The following LTBP3 variants were observed in gnomAD, a reference collection of about 807,000 sequenced individuals.
LTBP3 encodes the protein latent transforming growth factor beta binding protein 3.
LTBP3 carries 97 observed loss-of-function variants against 159.7 expected under a neutral mutation model. The observed-to-expected ratio is 0.61, with a 90% CI of 0.52 to 0.72. The LOEUF (loss-of-function observed/expected upper bound fraction) is 0.72. LTBP3 is among the 30% of genes least tolerant of loss of function. The probability of loss-of-function intolerance (pLI) is 0.00; values close to 1 mark genes in which losing one functional copy is unlikely to be tolerated. For synonymous variants in LTBP3, 824 were observed against 777.1 expected (o/e 1.06, Z -1.00); for missense variants, 1,584 against 1,864.3 (o/e 0.85, Z 2.77).
rs747150780 is a variant in LTBP3, at chr11:65,546,755, C to T, written c.2230+43G>A. On this transcript the variant is annotated intron_variant, in intron 15 of 27. Transcript: ENST00000301873. The surrounding 1 kb of genome is among the most constrained non-coding windows in gnomAD (Gnocchi z 4.0). ...CCCAGCGGAGCCAGACTGGGGGAGG[C>T]ACCTGACGGCCCCACCCACTCGGCT... is the stretch of plus-strand genomic sequence containing the variant. 6.5e-7 allele frequency: 1 copy of T among 1,534,664 alleles called. No individual in the cohort carries two copies. Among genetic ancestry groups the T allele is most frequent in the Non-Finnish European group, 8.8e-7 (1 of 1,134,716 alleles).
chr11:65,556,851 C>G (rs751086753), intron 1 of LTBP3, among the ~76,000 whole-genome samples: 1 of 152,078 alleles, frequency 6.6e-6, no homozygotes, highest in Non-Finnish European at 1.5e-5. Context: ...GACACCTCCC[C>G]GAGCCTGGCC....
Position 65,540,354 on chromosome 11 carries a change from G to C in LTBP3, c.3135C>G (p.Asn1045Lys). The C allele has an allele frequency of 3.8e-6, 6 of 1,591,480 alleles. No homozygotes were observed. Among genetic ancestry groups the C allele is most frequent in the Non-Finnish European group, 5.1e-6 (6 of 1,170,330 alleles). The change falls in exon 23 of 28, where the codon AAC (asparagine) becomes AAG (lysine). Residue 1045 changes from asparagine to lysine, a missense_variant. Physicochemically the swap from Asn to Lys is moderately conservative, Grantham distance 94. Coordinates refer to ENST00000301873, the MANE Select transcript of LTBP3 (RefSeq NM_001130144.3). Reference protein sequence around the residue: ...VDVDECLDESNCRNGVCENTR... With the variant: ...VDVDECLDESKCRNGVCENTR... ...TGTTCTCACACACTCCGTTCCGGCAGTTGGACTCGTCCAGGCACTCGTCCA... is the reference window on the plus strand; with the variant it reads ...TGTTCTCACACACTCCGTTCCGGCACTTGGACTCGTCCAGGCACTCGTCCA...
In LTBP3 at chr11:65,548,311, C is replaced by G. The variant is rs543083879; in HGVS notation, c.1721-266G>C. 5.2e-5 allele frequency: 32 copies of G among 610,786 alleles called. No individual in the cohort carries two copies. The African/African-American group carries it at 5.9e-4, about 11-fold the overall frequency. 37.8% of individuals were successfully genotyped at this position (610,786 alleles called of 1,614,324 possible). On this transcript the variant is annotated intron_variant, in intron 11 of 27. Coordinates refer to ENST00000301873, the MANE Select transcript of LTBP3 (RefSeq NM_001130144.3). ...TCCATTCCCGGTTCACTCCAAGACC[C>G]TGACCCCACTCACCTCAAACCAAAC...
rs1384062185 is a variant in LTBP3 at position 65,551,219 on chromosome 11, T to C, written c.1627A>G (p.Ile543Val). ...ATGGTCGGGGGCGAGGGACGGGAGA[T>C]CAGCTCTGCGGGCGGCAGTGCACTC... is the stretch of plus-strand genomic sequence containing the variant. The part of the protein sequence containing the change: ...TTPARPYPEL[I>V]SRPSPPTMRW... The change falls in exon 11 of 28, where the codon ATC becomes GTC. Residue 543 changes from isoleucine (I) to valine (V), a missense_variant. By Grantham distance (29) the Ile-to-Val change is conservative. Around this residue, in one of 6 missense-constraint regions of LTBP3, gnomAD observed 565 missense variants for 677.7 expected, o/e 0.83. Transcript: ENST00000301873. 2.6e-6 allele frequency: 4 copies of C among 1,547,022 alleles called. No homozygotes were observed. Among genetic ancestry groups the C allele is most frequent in the South Asian group, 1.2e-5 (1 of 84,140 alleles).
Position 65,547,911 on chromosome 11 carries a change from T to A in LTBP3, c.1846+9A>T, listed in dbSNP as rs757895021. ...CCACCTGCATGCCCGCCGCCTGCCC[T>A]GCGCTCACCCACGCAGTAGCGGTGC... On this transcript the variant is annotated intron_variant, in intron 12 of 27. Coordinates refer to ENST00000301873, the MANE Select transcript of LTBP3 (RefSeq NM_001130144.3). This position sits in a 1 kb window ranked among gnomAD's most constrained non-coding sequence, Gnocchi z 4.6. The A allele has an allele frequency of 2.0e-5, 32 of 1,613,400 alleles. No homozygotes were observed. The highest frequency in any genetic ancestry group is 2.7e-5 in the Non-Finnish European group (32 of 1,179,858).
chr11:65,554,203 G>T lies in LTBP3; in HGVS notation c.509C>A (p.Pro170Gln). The T allele has an allele frequency of 6.2e-7, 1 of 1,610,966 alleles. No homozygotes were observed. Among genetic ancestry groups the T allele is most frequent in the Non-Finnish European group, 8.5e-7 (1 of 1,179,430 alleles). The change falls in exon 2 of 28, where the codon CCG (proline) becomes CAG (glutamine). Residue 170 changes from proline (P) to glutamine (Q), a missense_variant. This residue lies in a region of LTBP3 where 194 missense variants were observed against 198.7 expected (regional missense o/e 0.98). Coordinates refer to ENST00000301873, the MANE Select transcript of LTBP3 (RefSeq NM_001130144.3). This position sits in a 1 kb window ranked among gnomAD's most constrained non-coding sequence, Gnocchi z 5.3. ...AGAGTCGCCCTCCGGAGCCAGGGGC[G>T]GCAGCGCCCCTGTGGACAGGGCCCC... ...RTGALSTGAL[P>Q]PLAPEGDSVA... is the part of the protein sequence containing the mutation.
In LTBP3 at chr11:65,546,236, G is replaced by A. The variant is rs111472085; in HGVS notation, c.2353+206C>T. The A allele has an allele frequency of 0.011, 6,837 of 622,272 alleles. 58 individuals carry two copies. The highest frequency in any genetic ancestry group is 0.016 in the Non-Finnish European group (5,871 of 373,040). The allele number at this position is 622,272 out of a possible 1,614,324, so 38.5% of individuals were successfully genotyped here. On this transcript the variant is annotated intron_variant, in intron 16 of 27. Coordinates refer to ENST00000301873, the MANE Select transcript of LTBP3 (RefSeq NM_001130144.3). This position sits in a 1 kb window ranked among gnomAD's most constrained non-coding sequence, Gnocchi z 4.0. ...TTAAGTAACATGCTTTGCAAACGCAGCTTCGAGCTCTACCCCGAGACCCTT... is the reference window on the plus strand; with the variant it reads ...TTAAGTAACATGCTTTGCAAACGCAACTTCGAGCTCTACCCCGAGACCCTT...
At chr11:65,548,808 G>A (rs1468963889) in intron 11 of LTBP3, 3 of 152,552 alleles carry the variant, frequency 2.0e-5, no homozygotes, top group African/African-American at 7.2e-5. Flanking sequence ...TCTTTGCCTG[G>A]AGTACCTCTC....
At chr11:65,544,702 C>CA (rs1451690342) in intron 16 of LTBP3, 1 of 152,624 alleles carries the variant, frequency 6.6e-6, no homozygotes, top group Non-Finnish European at 1.5e-5. Context: ...CCAGGCCCTT[C>CA]ACTGTGTATT....
rs1234778594 is a variant in LTBP3 at position 65,539,156 on chromosome 11, G to C, written c.3836C>G (p.Ser1279Cys). The change falls in exon 28 of 28, where the codon TCC becomes TGC. Residue 1279 changes from serine to cysteine, a missense_variant. By Grantham distance (112) the Ser-to-Cys change is moderately radical (BLOSUM62 -1). This residue lies in a region of LTBP3 where 514 missense variants were observed against 530.3 expected (regional missense o/e 0.97). Coordinates refer to ENST00000301873, the MANE Select transcript of LTBP3 (RefSeq NM_001130144.3). ...GCCGGCTTTGCAGACGCAGCGGAAG[G>C]AGCCGCTGGTGTTCACGCAGCGCTC... is the stretch of plus-strand genomic sequence containing the variant. Reference protein sequence around the residue: ...KSERCVNTSGSFRCVCKAGFA... With the variant: ...KSERCVNTSGCFRCVCKAGFA... The C allele has an allele frequency of 5.3e-6, 8 of 1,500,990 alleles. No homozygotes were observed. Among genetic ancestry groups the C allele is most frequent in the Non-Finnish European group, 7.1e-6 (8 of 1,120,648 alleles). 93.0% of individuals were successfully genotyped at this position (1,500,990 alleles called of 1,614,324 possible).
intron 16 of LTBP3, 143 bp from the exon 17 acceptor site, chr11:65,543,692 T>C: frequency 9.2e-7 from 1 of 1,088,686 alleles, no homozygotes; most frequent in Non-Finnish European, 1.4e-6. Flanking sequence ...TGCTTCTGGG[T>C]GGCACACAGT....
chr11:65,552,874 C>T lies in LTBP3; in HGVS notation c.1172G>A (p.Arg391His), dbSNP rs752122083. ...CPPGHSLGPS[R>H]TQCIADKPEE... ...CCAGGTCTCACCAATGCACTGTGTA[C>T]GGGAGGGGCCTAAACTATGGCCAGG... The change falls in exon 6 of 28, where the codon CGT (arginine) becomes CAT (histidine). Residue 391 changes from arginine (R) to histidine (H), a missense_variant. By Grantham distance (29) the Arg-to-His change is conservative. Around this residue, in one of 6 missense-constraint regions of LTBP3, gnomAD observed 156 missense variants for 259.7 expected, o/e 0.60. Transcript: ENST00000301873. The surrounding 1 kb of genome is among the most constrained non-coding windows in gnomAD (Gnocchi z 6.0). The T allele has an allele frequency of 6.2e-6, 10 of 1,614,074 alleles. 1 individual carries two copies. Among genetic ancestry groups the T allele is most frequent in the South Asian group, 3.3e-5 (3 of 91,092 alleles).
rs111950016 is a variant in LTBP3 at position 65,552,984 on chromosome 11, T to C, written c.1064-2A>G. The C allele has an allele frequency of 1.2e-6, 2 of 1,614,068 alleles. No homozygotes were observed. The highest frequency in any genetic ancestry group is 3.3e-5 in the Admixed American group (2 of 60,006). ...CCGGCATTGCGCACTCGTTGATGTCTGTGGTAAGTGGAAGTTTGGCCCCTC... is the reference window on the plus strand; with the variant it reads ...CCGGCATTGCGCACTCGTTGATGTCCGTGGTAAGTGGAAGTTTGGCCCCTC... On this transcript the variant is annotated splice_acceptor_variant, in intron 5 of 27. Coordinates refer to ENST00000301873, the MANE Select transcript of LTBP3 (RefSeq NM_001130144.3). LOFTEE classifies it high-confidence loss of function. The surrounding 1 kb of genome is among the most constrained non-coding windows in gnomAD (Gnocchi z 6.0).
Position 65,539,094 on chromosome 11 carries a change from G to A in LTBP3, c.3898C>T (p.Gln1300Ter), listed in dbSNP as rs1855917826. 4 of 1,438,170 alleles carry A rather than the reference G, an allele frequency of 2.8e-6. No homozygotes were observed. Among genetic ancestry groups the A allele is most frequent in the African/African-American group, 1.5e-5 (1 of 67,040 alleles). The allele number at this position is 1,438,170 out of a possible 1,614,324, so 89.1% of individuals were successfully genotyped here. ...CGTCGGCGGCGTCAGCGGCGGCGCT[G>A]GGGAACGCAGGCCCCGTGCGGGCGG... ...RSRPHGACVPQRRR is the reference protein window; with the variant it reads ...RSRPHGACVP Residue 1300 changes from glutamine (Q) to a stop codon, truncating the protein, a stop_gained, in exon 28 of 28, where the codon CAG becomes TAG. Transcript: ENST00000301873. LOFTEE classifies it high-confidence loss of function.
At position 65,540,974 on chromosome 11, in the gene LTBP3, G is replaced by A. The variant is rs1856107119; in HGVS notation, c.2894-20C>T. ...ACTCGGCTGCAGGGGCAGGGCGGCC[G>A]TGGGGAGGGAAGAGGCAGGACTGAG... On this transcript the variant is annotated intron_variant, in intron 20 of 27. Transcript: ENST00000301873. The A allele has an allele frequency of 1.9e-6, 3 of 1,609,698 alleles. No individual in the cohort carries two copies. The highest frequency in any genetic ancestry group is 2.5e-6 in the Non-Finnish European group (3 of 1,177,868).
Position 65,546,590 on chromosome 11 carries a change from A to C in LTBP3, c.2231-26T>G. 1 of 1,599,724 alleles carries C rather than the reference A, an allele frequency of 6.3e-7. No individual in the cohort carries two copies. Among genetic ancestry groups the C allele is most frequent in the Non-Finnish European group, 8.5e-7 (1 of 1,179,244 alleles). ...CTGCGGCGGAAAGACCTAGCCTCGG[A>C]CTCTGCCCCACCGGAAGGCGGACCG... On this transcript the variant is annotated intron_variant, in intron 15 of 27. Transcript: ENST00000301873. The surrounding 1 kb of genome is among the most constrained non-coding windows in gnomAD (Gnocchi z 4.0).
In LTBP3 at chr11:65,552,390, C is replaced by G; in HGVS notation, c.1203G>C (p.Glu401Asp). The change falls in exon 7 of 28, where the codon GAG (glutamate) becomes GAC (aspartate). Residue 401 changes from glutamate to aspartate, a missense_variant. Glu to Asp is a conservative substitution (Grantham distance 45). Coordinates refer to ENST00000301873, the MANE Select transcript of LTBP3 (RefSeq NM_001130144.3). This position sits in a 1 kb window ranked among gnomAD's most constrained non-coding sequence, Gnocchi z 6.0. Reference protein sequence around the residue: ...RTQCIADKPEEKSLCFRLVSP... With the variant: ...RTQCIADKPEDKSLCFRLVSP... ...TCACCAGGCGGAAACACAGGCTCTT[C>G]TCCTCCGGTTTGTCTGCTGCAGGGG... 2 of 1,613,554 alleles carry G rather than the reference C, an allele frequency of 1.2e-6. No homozygotes were observed. Among genetic ancestry groups the G allele is most frequent in the Non-Finnish European group, 1.7e-6 (2 of 1,179,888 alleles).
In LTBP3 at chr11:65,557,890, G is replaced by A; in HGVS notation, c.70C>T (p.Leu24=). 4.6e-6 allele frequency: 6 copies of A among 1,291,476 alleles called. No homozygotes were observed. Among genetic ancestry groups the A allele is most frequent in the Non-Finnish European group, 5.9e-6 (6 of 1,009,530 alleles). The allele number at this position is 1,291,476 out of a possible 1,614,324, so 80.0% of individuals were successfully genotyped here. The change falls in exon 1 of 28, where the codon CTG becomes TTG. Residue 24 remains leucine (L), a synonymous_variant. Coordinates refer to ENST00000301873, the MANE Select transcript of LTBP3 (RefSeq NM_001130144.3). ...AGCAGCAGCAGCAGCAGCAGCGCCAGCAGCCCCGCCGCCCCCGCCCCGCGC... is the reference window on the plus strand; with the variant it reads ...AGCAGCAGCAGCAGCAGCAGCGCCAACAGCCCCGCCGCCCCCGCCCCGCGC... ...EMRGAGAAGL[L]ALLLLLLLLL...
Position 65,538,797 on chromosome 11 carries a change from ATTT to A in LTBP3, c.*280_*282del. The A allele has an allele frequency of 2.5e-6, 2 of 806,262 alleles. No individual in the cohort carries two copies. The highest frequency in any genetic ancestry group is 3.7e-6 in the Non-Finnish European group (2 of 546,874). The allele number at this position is 806,262 out of a possible 1,614,324, so 49.9% of individuals were successfully genotyped here. Reference sequence around the variant, plus strand: ...GCGCCCACGTCAGACGTGAACATCAATTTGCTTCGAAAGCCAAGGGTAAAGAGG... The same window carrying A: ...GCGCCCACGTCAGACGTGAACATCAAGCTTCGAAAGCCAAGGGTAAAGAGG... On this transcript the variant is annotated 3_prime_UTR_variant, in exon 28 of 28. Coordinates refer to ENST00000301873, the MANE Select transcript of LTBP3 (RefSeq NM_001130144.3).
Sources: gnomAD v4.1 joint callset for allele counts (sites outside exome capture counted in the v4.1 genomes callset) on GRCh38, gnomAD v4.1.1 for gene constraint, gnomAD v4.1.1 regional missense constraint, Gnocchi (gnomAD v3.1) non-coding constraint, MANE v1.5 for transcripts, NCBI Gene and HGNC (gene_info 2026-07-23, HGNC 2026-07-21) for gene names.